SUSD1: variants seen among roughly 807,000 people sequenced by gnomAD.
The protein encoded by SUSD1 is sushi domain-containing protein 1.
A neutral mutation model predicts 86.9 loss-of-function variants in SUSD1; 65 were observed. The ratio of observed to expected loss-of-function variants is 0.75; its 90% CI spans 0.61 to 0.92. The LOEUF (loss-of-function observed/expected upper bound fraction) is 0.92, where lower values mean the gene tolerates loss of function less well. SUSD1 is among the 40% of genes least tolerant of loss of function. SUSD1 has a pLI of 0.00. For synonymous variants in SUSD1, 346 were observed against 350.0 expected, an observed-to-expected ratio of 0.99 and a Z score of 0.13; for missense variants, 850 against 929.7, an observed-to-expected ratio of 0.91 and a Z score of 1.11.
chr9:112,097,288 G>C (rs1288154376), intron 10 of SUSD1, among the ~76,000 whole-genome samples: 1 of 151,046 alleles, frequency 6.6e-6, no homozygotes, highest in Non-Finnish European at 1.5e-5. Flanking sequence ...ATGGCACCTG[G>C]CCCTCCAGCC....
At position 112,143,620 on chromosome 9, in the gene SUSD1, A is replaced by G. The variant is rs749729436; in HGVS notation, c.377T>C (p.Ile126Thr). The G allele has an allele frequency of 4.3e-6, 7 of 1,612,012 alleles. No homozygotes were observed. In the African/African-American group the frequency reaches 9.4e-5, roughly 22 times the overall value. ...CAGGCCAGAAACTTCACACTCATCT[A>G]TGTCTTGGGACCCAATCCAAATAGA... is the stretch of plus-strand genomic sequence containing the variant. ...IPNDGTFCTDIDECEVSGLCR... is the reference protein window; with the variant it reads ...IPNDGTFCTDTDECEVSGLCR... The change falls in exon 4 of 17, where the codon ATA becomes ACA. Residue 126 changes from isoleucine to threonine, a missense_variant. Coordinates refer to ENST00000374270, the MANE Select transcript of SUSD1 (RefSeq NM_022486.5).
chr9:112,047,651 C>G (rs1828014696), intron 15 of SUSD1, among the ~76,000 whole-genome samples: 3 of 152,136 alleles, frequency 2.0e-5, no homozygotes, highest in Admixed American at 2.0e-4. Context: ...GATTAATGCC[C>G]TCTCTCAGAG....
At chr9:112,108,774 C>CAAAAAAAA (rs11312103) in intron 8 of SUSD1, among the ~76,000 whole-genome samples, 97 of 68,446 alleles carry the variant, frequency 1.4e-3, no homozygotes, top group Non-Finnish European at 1.7e-3. Context: ...CTGGGTGTCT[C>CAAAAAAAA]AAAAAAAAAA....
chr9:112,115,955 C>T (rs1278902247), intron 6 of SUSD1, among the ~76,000 whole-genome samples: 1 of 152,044 alleles, frequency 6.6e-6, no homozygotes, highest in African/African-American at 2.4e-5. Flanking sequence ...TGAACAAGCC[C>T]CAGATATTTC....
At chr9:112,061,749 A>G (rs1408127581) in intron 13 of SUSD1, among the ~76,000 whole-genome samples, 1 of 152,210 alleles carries the variant, frequency 6.6e-6, no homozygotes, top group Non-Finnish European at 1.5e-5. Flanking sequence ...CCTAAGTTTT[A>G]TTATAAATGG....
At chr9:112,106,645 T>A (rs1830852338) in intron 8 of SUSD1, among the ~76,000 whole-genome samples, 2 of 151,552 alleles carry the variant, frequency 1.3e-5, no homozygotes, top group Admixed American at 1.3e-4. Context: ...AAGAGTGAGC[T>A]CTTTGGAGAG....
In SUSD1 at chr9:112,124,273, A is replaced by T. The variant is rs1831673186; in HGVS notation, c.870T>A (p.Ser290Arg). The change falls in exon 6 of 17, where the codon AGT becomes AGA. Residue 290 changes from serine (S) to arginine (R), a missense_variant. Coordinates refer to ENST00000374270, the MANE Select transcript of SUSD1 (RefSeq NM_022486.5). ...VCTEKGTWRE[S>R]TLTCTEILTK... ...AATCTGTACCTGTGCATGTTAAAGT[A>T]CTTTCTCTCCAGGTGCCTTTCTCTG... 6.2e-7 allele frequency: 1 copy of T among 1,613,572 alleles called. No homozygotes were observed. Among genetic ancestry groups the T allele is most frequent in the Non-Finnish European group, 8.5e-7 (1 of 1,179,704 alleles).
chr9:112,090,339 T>C lies in SUSD1; in HGVS notation c.1474+8131A>G, dbSNP rs557371710. The stretch of plus-strand genomic sequence containing the variant: ...AAAAGCTTAAACCGACCAATTTCCA[T>C]AGAAAAAAATTGAGAATGTCATCAA... On this transcript the variant is annotated intron_variant, in intron 10 of 16. Coordinates refer to ENST00000374270, the MANE Select transcript of SUSD1 (RefSeq NM_022486.5). 1.5e-4 allele frequency among the ~76,000 whole-genome samples: 23 copies of C among 152,144 alleles called. No homozygotes were observed. The South Asian group carries it at 4.6e-3, about 30-fold the overall frequency.
chr9:112,142,773 C>G (rs1832634561), intron 4 of SUSD1, among the ~76,000 whole-genome samples: 1 of 151,882 alleles, frequency 6.6e-6, no homozygotes, highest in Admixed American at 6.6e-5. Flanking sequence ...AAAGAGAAGC[C>G]TTGTCCAGTG....
At chr9:112,099,802 G>A (rs540765903) in intron 9 of SUSD1, among the ~76,000 whole-genome samples, 1 of 152,266 alleles carries the variant, frequency 6.6e-6, no homozygotes, top group East Asian at 1.9e-4. Context: ...AATTTTGACA[G>A]TCATCCAAGA....
Position 112,058,525 on chromosome 9 carries a change from A to C in SUSD1, c.2012T>G (p.Ile671Arg). ...TTCCCCATAGTACAGCCTGTCTCCT[A>C]TAGGTATCTCCATGGCATCATCTGG... ...DVPDDAMEIP[I>R]GDRLYYGEYY... Residue 671 changes from isoleucine to arginine, a missense_variant, in exon 14 of 17, where the codon ATA becomes AGA. By Grantham distance (97) the Ile-to-Arg change is moderately conservative. Transcript: ENST00000374270. 6.2e-7 allele frequency: 1 copy of C among 1,614,194 alleles called. No homozygotes were observed. The highest frequency in any genetic ancestry group is 8.5e-7 in the Non-Finnish European group (1 of 1,180,020).
chr9:112,066,838 G>A (rs1244260480), intron 12 of SUSD1, among the ~76,000 whole-genome samples: 1 of 152,058 alleles, frequency 6.6e-6, no homozygotes, highest in Non-Finnish European at 1.5e-5. Flanking sequence ...GGCTCAAAAA[G>A]AGCAATCTGT....
chr9:112,086,702 T>C (rs1830000075), intron 10 of SUSD1, among the ~76,000 whole-genome samples: 1 of 151,728 alleles, frequency 6.6e-6, no homozygotes, highest in Non-Finnish European at 1.5e-5. Flanking sequence ...AGGGAAGGAA[T>C]GGGTGTCCTT....
At chr9:112,131,228 G>C (rs1159504272) in intron 5 of SUSD1, among the ~76,000 whole-genome samples, 1 of 152,148 alleles carries the variant, frequency 6.6e-6, no homozygotes, top group Non-Finnish European at 1.5e-5. Flanking sequence ...CACCACGAAG[G>C]GCTCCACCTA....
intron 14 of SUSD1, 50 bp downstream of exon 14, chr9:112,058,378 C>T (rs1163540379): frequency 1.9e-6 from 3 of 1,579,846 alleles, no homozygotes; most frequent in South Asian, 1.2e-5. Flanking sequence ...ATTTAAATGT[C>T]ATACGAAGAA....
In SUSD1 at chr9:112,145,184, A is replaced by T. The variant is rs1005245180; in HGVS notation, c.374-1561T>A. ...ATTCCTAGGACATTGGCATAAAAAC[A>T]TCAGGGATTGAGCAGAAGACAGGAA... is the stretch of plus-strand genomic sequence containing the variant. On this transcript the variant is annotated intron_variant, in intron 3 of 16. Transcript: ENST00000374270. Among the ~76,000 whole-genome samples, 4 of 152,080 alleles carry T rather than the reference A, an allele frequency of 2.6e-5. No homozygotes were observed. The East Asian group carries it at 5.8e-4, about 22-fold the overall frequency.
intron 1 of SUSD1, among the ~76,000 whole-genome samples, chr9:112,159,243 AC>A (rs1287042828): frequency 2.0e-5 from 3 of 152,164 alleles, no homozygotes; most frequent in Non-Finnish European, 4.4e-5. Flanking sequence ...TTCAGGAGCG[AC>A]CTAGTAAAGA....
chr9:112,120,887 G>C (rs1300656787), intron 6 of SUSD1, among the ~76,000 whole-genome samples: 2 of 152,200 alleles, frequency 1.3e-5, no homozygotes, highest in African/African-American at 4.8e-5. Flanking sequence ...AAATGGCTGA[G>C]GCTCACAAGC....
At chr9:112,107,363 C>T (rs557116103) in intron 8 of SUSD1, among the ~76,000 whole-genome samples, 8 of 151,438 alleles carry the variant, frequency 5.3e-5, no homozygotes, top group Non-Finnish European at 1.0e-4. Flanking sequence ...GCACAAGAAT[C>T]GCTTAAAACC....
Sources: gnomAD v4.1 joint callset for allele counts (sites outside exome capture counted in the v4.1 genomes callset) on GRCh38, gnomAD v4.1.1 for gene constraint, MANE v1.5 for transcripts, NCBI Gene and HGNC (gene_info 2026-07-23, HGNC 2026-07-21) for gene names.